TLL1: variants seen among roughly 807,000 people sequenced by gnomAD.
The protein encoded by TLL1 is tolloid-like protein 1.
TLL1 carries 49 observed loss-of-function variants against 128.2 expected under a neutral mutation model. That is an observed-to-expected ratio of 0.38 (90% CI 0.30 to 0.48). TLL1 has a LOEUF of 0.48. Among genes scored for constraint, TLL1 ranks in the 20% least tolerant of loss-of-function variants. The pLI, the probability that TLL1 is intolerant of heterozygous loss-of-function variation, is 0.96. For missense variants in TLL1, 1,123 were observed against 1,242.0 expected, an observed-to-expected ratio of 0.90 and a Z score of 1.44; for synonymous variants, 454 against 418.8, an observed-to-expected ratio of 1.08 and a Z score of -1.03.
At chr4:166,021,211 A>G (rs925212299) in intron 8 of TLL1, among the ~76,000 whole-genome samples, 1 of 149,092 alleles carries the variant, frequency 6.7e-6, no homozygotes, top group African/African-American at 2.5e-5. Flanking sequence ...GCTAAACTAT[A>G]TTGCCAAGAT....
chr4:166,004,230 T>G (rs1311569273), intron 6 of TLL1, among the ~76,000 whole-genome samples: 1 of 152,172 alleles, frequency 6.6e-6, no homozygotes, highest in African/African-American at 2.4e-5. Context: ...ATCAGTATAT[T>G]TCAGTTGCCG....
chr4:165,957,998 A>T (rs1291922059), intron 1 of TLL1, among the ~76,000 whole-genome samples: 1 of 151,176 alleles, frequency 6.6e-6, no homozygotes. Context: ...ACTGAGAACG[A>T]TGATTTCCAA....
chr4:165,953,897 A>G (rs1160622522), intron 1 of TLL1, among the ~76,000 whole-genome samples: 1 of 152,088 alleles, frequency 6.6e-6, no homozygotes, highest in Admixed American at 6.6e-5. Context: ...ATCTCTTGTA[A>G]TAAAGAGTGA....
chr4:165,922,131 T>C (rs76975375), intron 1 of TLL1, among the ~76,000 whole-genome samples: 4,920 of 152,196 alleles, frequency 0.032, 261 homozygotes, highest in African/African-American at 0.11. Flanking sequence ...TGCTCCCCAG[T>C]TGACCTATGC....
At chr4:165,998,158 T>G (rs1241430460) in intron 5 of TLL1, among the ~76,000 whole-genome samples, 2 of 152,188 alleles carry the variant, frequency 1.3e-5, no homozygotes, top group Non-Finnish European at 2.9e-5. Context: ...TCAGTGGCAT[T>G]TATTTATTTT....
chr4:165,915,273 T>C (rs899697446), intron 1 of TLL1, among the ~76,000 whole-genome samples: 2 of 152,076 alleles, frequency 1.3e-5, no homozygotes, highest in Non-Finnish European at 2.9e-5. Flanking sequence ...TTAAGGAAGA[T>C]AGTCTGGGAA....
At chr4:166,008,148 T>C in intron 7 of TLL1, 100 bp downstream of exon 7, 1 of 817,762 alleles carries the variant, frequency 1.2e-6, no homozygotes. Flanking sequence ...TACTTTCAAA[T>C]ATTGCTACCT....
At position 166,055,235 on chromosome 4, in the gene TLL1, G is replaced by C; in HGVS notation, c.1684G>C (p.Val562Leu). 6.2e-7 allele frequency: 1 copy of C among 1,613,692 alleles called. No individual in the cohort carries two copies. The highest frequency in any genetic ancestry group is 8.5e-7 in the Non-Finnish European group (1 of 1,179,798). Residue 562 changes from valine (V) to leucine (L), a missense_variant, in exon 13 of 21, where the codon GTG becomes CTG. Physicochemically the swap from Val to Leu is conservative, Grantham distance 32. This residue lies in a region of TLL1 where 634 missense variants were observed against 672.4 expected (regional missense o/e 0.94). Coordinates refer to ENST00000061240, the MANE Select transcript of TLL1 (RefSeq NM_012464.5). The stretch of plus-strand genomic sequence containing the variant: ...GATGAAGTTTGTTTCTGACGGAACT[G>C]TGAACAAAGCAGGGTTTGCTGCTAA... ...LWMKFVSDGT[V>L]NKAGFAANFF...
At position 166,076,978 on chromosome 4, in the gene TLL1, G is replaced by A. The variant is rs138709030; in HGVS notation, c.2315-925G>A. 4.9e-3 allele frequency among the ~76,000 whole-genome samples: 745 copies of A among 152,154 alleles called. 7 individuals carry two copies. The highest frequency in any genetic ancestry group is 0.017 in the African/African-American group (704 of 41,520). ...TACCCTTGCTGTGTGGCCCCGAAGG[G>A]TATAACAAGTGTGTTGTCCATTGAA... On this transcript the variant is annotated intron_variant, in intron 17 of 20. Coordinates refer to ENST00000061240, the MANE Select transcript of TLL1 (RefSeq NM_012464.5).
At chr4:166,057,754 G>A (rs925616143) in intron 14 of TLL1, among the ~76,000 whole-genome samples, 1 of 152,240 alleles carries the variant, frequency 6.6e-6, no homozygotes, top group African/African-American at 2.4e-5. Flanking sequence ...GAAAGCATGT[G>A]CAGGGGACTC....
chr4:165,890,758 G>A (rs1352040891), intron 1 of TLL1, among the ~76,000 whole-genome samples: 1 of 152,170 alleles, frequency 6.6e-6, no homozygotes, highest in Non-Finnish European at 1.5e-5. Flanking sequence ...CTAGGCACAA[G>A]GTGAAAGCTG....
chr4:165,984,932 A>T (rs931049729), intron 1 of TLL1, among the ~76,000 whole-genome samples: 3 of 151,976 alleles, frequency 2.0e-5, no homozygotes, highest in African/African-American at 7.2e-5. Flanking sequence ...TCTTAAAGCA[A>T]ATTTGTCAAA....
intron 1 of TLL1, among the ~76,000 whole-genome samples, chr4:165,971,397 G>A (rs1021369054): frequency 1.1e-4 from 17 of 152,260 alleles, no homozygotes; most frequent in African/African-American, 1.9e-4. Flanking sequence ...GATGCCAGAC[G>A]TATTACTCCA....
At chr4:165,926,640 T>TG (rs1317945299) in intron 1 of TLL1, among the ~76,000 whole-genome samples, 1 of 152,154 alleles carries the variant, frequency 6.6e-6, no homozygotes, top group Admixed American at 6.6e-5. Flanking sequence ...CCTGCTGCTG[T>TG]CTTGGACATC....
chr4:165,874,212 T>A, intron 1 of TLL1, 139 bp downstream of exon 1: 1 of 1,056,048 alleles, frequency 9.5e-7, no homozygotes, highest in South Asian at 1.3e-5. Flanking sequence ...TCCCCCTCCT[T>A]TTCCTTCCCT....
chr4:165,943,267 G>C (rs1006219161), intron 1 of TLL1, among the ~76,000 whole-genome samples: 58 of 151,996 alleles, frequency 3.8e-4, no homozygotes, highest in African/African-American at 1.3e-3. Context: ...ATGCAAAAAA[G>C]CAAAATGTTT....
chr4:166,065,541 A>G lies in TLL1; in HGVS notation c.2008-142A>G, dbSNP rs7678997. The G allele has an allele frequency of 0.37, 281,406 of 766,886 alleles. 55,134 individuals are homozygous for G. Among genetic ancestry groups the G allele is most frequent in the African/African-American group, 0.64 (37,051 of 57,918 alleles). 47.5% of individuals were successfully genotyped at this position (766,886 alleles called of 1,614,324 possible). A position where few individuals can be genotyped will look rare whatever the true frequency, so the allele number is the denominator to read the frequency against. On this transcript the variant is annotated intron_variant, in intron 15 of 20. Transcript: ENST00000061240. ...TTACAGGCATGAGTCACTGTGTCTGACCTGATTTTTTTCCTTACCTGTTAG... is the reference window on the plus strand; with the variant it reads ...TTACAGGCATGAGTCACTGTGTCTGGCCTGATTTTTTTCCTTACCTGTTAG...
intron 9 of TLL1, among the ~76,000 whole-genome samples, chr4:166,030,077 T>C (rs1738689354): frequency 6.6e-6 from 1 of 152,082 alleles, no homozygotes; most frequent in Admixed American, 6.6e-5. Context: ...CTGTTTTCCA[T>C]AGTATTTGCA....
At chr4:165,937,865 A>G (rs78592915) in intron 1 of TLL1, among the ~76,000 whole-genome samples, 1 of 77,248 alleles carries the variant, frequency 1.3e-5, no homozygotes, top group African/African-American at 4.3e-5. Flanking sequence ...CCCCCCCCCA[A>G]AAAAAAGCAT....
Sources: allele counts gnomAD v4.1 joint callset (sites outside exome capture counted in the v4.1 genomes callset), GRCh38; gene constraint gnomAD v4.1.1; regional missense constraint gnomAD v4.1.1; transcripts MANE v1.5; gene names NCBI Gene and HGNC (gene_info 2026-07-23, HGNC 2026-07-21).